The following COL5A1 variants were observed in gnomAD, a reference collection of about 807,000 sequenced individuals.
The protein encoded by COL5A1 is collagen alpha-1(V) chain.
Under a neutral mutation model 263.7 loss-of-function variants are expected in COL5A1, and 16 were observed. The observed-to-expected ratio is 0.06, with a 90% CI of 0.04 to 0.09. The LOEUF is 0.09. Ranked by LOEUF, COL5A1 falls within the 10% of genes least tolerant of loss-of-function variation. The probability of loss-of-function intolerance (pLI) is 1.00; values close to 1 mark genes in which losing one functional copy is unlikely to be tolerated. For missense variants in COL5A1, 2,036 were observed against 2,540.5 expected (o/e 0.80, Z 4.27); for synonymous variants, 1,012 against 1,004.5 (o/e 1.01, Z -0.14).
At chr9:134,792,414 C>T (rs965292362) in intron 32 of COL5A1, among the ~76,000 whole-genome samples, 3 of 152,106 alleles carry the variant, frequency 2.0e-5, no homozygotes, top group African/African-American at 7.2e-5. Context: ...CTCGCTCTGT[C>T]ACCCAGGCTG....
Position 134,820,243 on chromosome 9 carries a change from T to C in COL5A1, c.4554+20T>C, listed in dbSNP as rs777124233. ...GAACAGGTGCGTGAGATGGCACTTC[T>C]TGCATGTGGGCTGTCGAGAGGCATT... is the stretch of plus-strand genomic sequence containing the variant. On this transcript the variant is annotated intron_variant, in intron 58 of 65. Coordinates refer to ENST00000371817, the MANE Select transcript of COL5A1 (RefSeq NM_000093.5). The C allele has an allele frequency of 3.8e-6, 6 of 1,589,732 alleles. No homozygotes were observed. Among genetic ancestry groups the C allele is most frequent in the East Asian group, 2.2e-5 (1 of 44,756 alleles).
At chr9:134,712,857 C>G (rs540717436) in intron 4 of COL5A1, among the ~76,000 whole-genome samples, 2 of 152,064 alleles carry the variant, frequency 1.3e-5, no homozygotes, top group Admixed American at 1.3e-4. Flanking sequence ...GACCAGGTCT[C>G]CCCTGGACGC....
intron 1 of COL5A1, among the ~76,000 whole-genome samples, chr9:134,684,842 C>G (rs75674648): frequency 0.11 from 16,288 of 152,232 alleles, 1,181 homozygotes; most frequent in Admixed American, 0.16. Flanking sequence ...CTGATTTTCA[C>G]CATTCACTTG....
intron 1 of COL5A1, among the ~76,000 whole-genome samples, chr9:134,648,167 G>A (rs908187685): frequency 2.6e-5 from 4 of 151,832 alleles, no homozygotes; most frequent in Non-Finnish European, 4.4e-5. Flanking sequence ...TCCTGCCCTC[G>A]AACATCGGAC....
chr9:134,703,083 C>G (rs1457380128), intron 4 of COL5A1, among the ~76,000 whole-genome samples: 1 of 152,200 alleles, frequency 6.6e-6, no homozygotes, highest in East Asian at 1.9e-4. Context: ...TGAGATGGGC[C>G]TGTTAGAAGA....
rs1163936504 is a variant in COL5A1, at chr9:134,830,010, G to A, written c.5102G>A (p.Gly1701Asp). The A allele has an allele frequency of 6.2e-7, 1 of 1,614,014 alleles. No individual in the cohort carries two copies. Among genetic ancestry groups the A allele is most frequent in the Admixed American group, 1.7e-5 (1 of 60,014 alleles). The change falls in exon 64 of 66, where the codon GGC becomes GAC. Residue 1701 changes from glycine (G) to aspartate (D), a missense_variant. Coordinates refer to ENST00000371817, the MANE Select transcript of COL5A1 (RefSeq NM_000093.5). ...RITSWPKENP[G>D]SWFSEFKRGK... ...ACTTCTTGGCCCAAAGAAAACCCGG[G>A]CTCCTGGTTCAGTGAATTCAAGCGT...
chr9:134,814,047 G>T lies in COL5A1; in HGVS notation c.3906+11G>T. Reference sequence around the variant, plus strand: ...GAAGGCGGCCCCCCGGTGAGTGAGCGGGCGCTGCGGGAGGGGTGGGATATG... The same window carrying T: ...GAAGGCGGCCCCCCGGTGAGTGAGCTGGCGCTGCGGGAGGGGTGGGATATG... On this transcript the variant is annotated intron_variant, in intron 49 of 65. Coordinates refer to ENST00000371817, the MANE Select transcript of COL5A1 (RefSeq NM_000093.5). 1 of 1,550,572 alleles carries T rather than the reference G, an allele frequency of 6.4e-7. No homozygotes were observed. Among genetic ancestry groups the T allele is most frequent in the Non-Finnish European group, 8.7e-7 (1 of 1,146,880 alleles).
Position 134,812,642 on chromosome 9 carries a change from G to T in COL5A1, c.3782G>T (p.Gly1261Val). Residue 1261 changes from glycine (G) to valine (V), a missense_variant, in exon 48 of 66, where the codon GGA becomes GTA. Around this residue, in one of 3 missense-constraint regions of COL5A1, gnomAD observed 1,078 missense variants for 1,521.4 expected, o/e 0.71. Coordinates refer to ENST00000371817, the MANE Select transcript of COL5A1 (RefSeq NM_000093.5). ...PGPPGPRGPS[G>V]APGADGPQGP... ...CCCCCTGGCCCCCGAGGACCCTCCGGAGCTCCAGGTGCTGATGGCCCACAA... is the reference window on the plus strand; with the variant it reads ...CCCCCTGGCCCCCGAGGACCCTCCGTAGCTCCAGGTGCTGATGGCCCACAA... The T allele has an allele frequency of 6.3e-7, 1 of 1,599,962 alleles. No individual in the cohort carries two copies. Among genetic ancestry groups the T allele is most frequent in the South Asian group, 1.1e-5 (1 of 88,940 alleles).
At chr9:134,834,038 C>T (rs1839754784) in intron 64 of COL5A1, among the ~76,000 whole-genome samples, 1 of 152,134 alleles carries the variant, frequency 6.6e-6, no homozygotes, top group African/African-American at 2.4e-5. Flanking sequence ...GGGGAGTGTC[C>T]CAGGCCGAGG....
At chr9:134,838,154 C>G (rs1839909024) in intron 65 of COL5A1, among the ~76,000 whole-genome samples, 1 of 152,190 alleles carries the variant, frequency 6.6e-6, no homozygotes. Flanking sequence ...TTTCCCAGCC[C>G]AAGCCTTCTG....
chr9:134,832,535 T>C (rs529984224), intron 64 of COL5A1, among the ~76,000 whole-genome samples: 1 of 152,310 alleles, frequency 6.6e-6, no homozygotes, highest in African/African-American at 2.4e-5. Flanking sequence ...TGTGGGACCC[T>C]GGGGTTCCAA....
rs774882530 is a variant in COL5A1 at position 134,731,627 on chromosome 9, G to A, written c.1296G>A (p.Pro432=). The A allele has an allele frequency of 1.5e-5, 24 of 1,614,074 alleles. No homozygotes were observed. Among genetic ancestry groups the A allele is most frequent in the South Asian group, 3.3e-5 (3 of 91,088 alleles). The part of the protein sequence containing the change: ...DPTSSPSEIG[P]GMPANQDTIY... ...CCAGCTCCCCGTCGGAGATCGGGCC[G>A]GGAATGCCGGCGAACCAGGATACCA... is the stretch of plus-strand genomic sequence containing the variant. Residue 432 remains proline, a synonymous_variant, in exon 8 of 66, where the codon CCG becomes CCA. Transcript: ENST00000371817.
intron 1 of COL5A1, among the ~76,000 whole-genome samples, chr9:134,648,882 G>C (rs546123606): frequency 6.6e-6 from 1 of 152,184 alleles, no homozygotes; most frequent in Non-Finnish European, 1.5e-5. Context: ...GGGCAGTCGC[G>C]GGCCAGGCCA....
intron 2 of COL5A1, among the ~76,000 whole-genome samples, chr9:134,699,248 C>T (rs1833584913): frequency 6.6e-6 from 1 of 152,220 alleles, no homozygotes; most frequent in East Asian, 1.9e-4. Context: ...CCTCAAATTG[C>T]TCCTGGCATG....
In COL5A1 at chr9:134,815,579, C is replaced by G. The variant is rs770998684; in HGVS notation, c.4018C>G (p.Pro1340Ala). 6.2e-7 allele frequency: 1 copy of G among 1,613,520 alleles called. No homozygotes were observed. Among genetic ancestry groups the G allele is most frequent in the East Asian group, 2.2e-5 (1 of 44,868 alleles). The change falls in exon 51 of 66, where the codon CCA (proline) becomes GCA (alanine). Residue 1340 changes from proline to alanine, a missense_variant. By Grantham distance (27) the Pro-to-Ala change is conservative (BLOSUM62 -1). Coordinates refer to ENST00000371817, the MANE Select transcript of COL5A1 (RefSeq NM_000093.5). Reference sequence around the variant, plus strand: ...CTTCCTTCTTTCTTCCTTTCAGGGCCCAGTGGGTTTTCCTGGAGATCCTGG... The same window carrying G: ...CTTCCTTCTTTCTTCCTTTCAGGGCGCAGTGGGTTTTCCTGGAGATCCTGG... ...GDDGPKGSPG[P>A]VGFPGDPGPP...
chr9:134,811,200 G>A (rs1838508424), intron 44 of COL5A1, 139 bp from the exon 45 acceptor site: 2 of 816,786 alleles, frequency 2.4e-6, no homozygotes, highest in African/African-American at 1.7e-5. Context: ...TTGCATCGTG[G>A]TGCAAGGAAC....
chr9:134,802,896 G>T lies in COL5A1; in HGVS notation c.3015G>T (p.Thr1005=), dbSNP rs751265351. Reference sequence around the variant, plus strand: ...ACTGATTTTCCCCACAGGGTCCCACGGGAGAAACGGGCCCAATGGGTGAGC... The same window carrying T: ...ACTGATTTTCCCCACAGGGTCCCACTGGAGAAACGGGCCCAATGGGTGAGC... The part of the protein sequence containing the change: ...PPGVVGPQGP[T]GETGPMGERG... The change falls in exon 39 of 66, where the codon ACG becomes ACT. Residue 1005 remains threonine, a synonymous_variant. Coordinates refer to ENST00000371817, the MANE Select transcript of COL5A1 (RefSeq NM_000093.5). 1 of 1,611,940 alleles carries T rather than the reference G, an allele frequency of 6.2e-7. No individual in the cohort carries two copies. Among genetic ancestry groups the T allele is most frequent in the Non-Finnish European group, 8.5e-7 (1 of 1,179,380 alleles).
rs1172696215 is a variant in COL5A1 at position 134,678,558 on chromosome 9, C to T, written c.110-12354C>T. On this transcript the variant is annotated intron_variant, in intron 1 of 65. Coordinates refer to ENST00000371817, the MANE Select transcript of COL5A1 (RefSeq NM_000093.5). This position sits in a 1 kb window ranked among gnomAD's most constrained non-coding sequence, Gnocchi z 5.5. ...CAGGGCAAGCACCTGCTTCTCACCA[C>T]CTGCTGCTCCTCCATGGTCTCTTCA... Among the ~76,000 whole-genome samples, 2 of 152,228 alleles carry T rather than the reference C, an allele frequency of 1.3e-5. No individual in the cohort carries two copies. The highest frequency in any genetic ancestry group is 4.8e-5 in the African/African-American group (2 of 41,454).
chr9:134,751,140 C>G (rs11103495), intron 13 of COL5A1, among the ~76,000 whole-genome samples: 1 of 141,284 alleles, frequency 7.1e-6, no homozygotes, highest in Non-Finnish European at 1.5e-5. Flanking sequence ...GAGCGTGTCA[C>G]TGTCCAGTAG....
Sources: allele counts gnomAD v4.1 joint callset (sites outside exome capture counted in the v4.1 genomes callset), GRCh38; gene constraint gnomAD v4.1.1; regional missense constraint gnomAD v4.1.1; non-coding constraint Gnocchi (gnomAD v3.1); transcripts MANE v1.5; gene names NCBI Gene and HGNC (gene_info 2026-07-23, HGNC 2026-07-21).